EFCAB6: variants seen among roughly 807,000 people sequenced by gnomAD.
EFCAB6 encodes the protein EF-hand calcium-binding domain-containing protein 6.
A neutral mutation model predicts 169.8 loss-of-function variants in EFCAB6; 156 were observed. The ratio of observed to expected loss-of-function variants is 0.92; its 90% CI spans 0.81 to 1.05. The LOEUF (loss-of-function observed/expected upper bound fraction) is 1.05. EFCAB6 is among the 50% of genes least tolerant of loss of function. The pLI, the probability that EFCAB6 is intolerant of heterozygous loss-of-function variation, is 0.00. For synonymous variants in EFCAB6, 698 were observed against 676.4 expected (o/e 1.03, Z -0.50); for missense variants, 1,800 against 1,829.1 (o/e 0.98, Z 0.29).
At position 43,722,792 on chromosome 22, in the gene EFCAB6, T is replaced by A. The variant is rs188866031; in HGVS notation, c.758-5820A>T. Among the ~76,000 whole-genome samples, 9 of 152,192 alleles carry A rather than the reference T, an allele frequency of 5.9e-5. 1 individual carries two copies. In the South Asian group the frequency reaches 1.7e-3, roughly 28 times the overall value. ...AGCACTATTCACCATAGCAAAGACA[T>A]GGAATAAACATAGGTGCCCATCAGT... On this transcript the variant is annotated intron_variant, in intron 8 of 31. Coordinates refer to ENST00000262726, the MANE Select transcript of EFCAB6 (RefSeq NM_022785.4).
intron 10 of EFCAB6, among the ~76,000 whole-genome samples, chr22:43,707,068 G>A (rs1006641844): frequency 6.6e-6 from 1 of 152,192 alleles, no homozygotes; most frequent in African/African-American, 2.4e-5. Context: ...ATCAAGCCCA[G>A]ACAGAGCTGT....
chr22:43,611,858 C>T (rs2053331574), intron 21 of EFCAB6, among the ~76,000 whole-genome samples: 1 of 152,112 alleles, frequency 6.6e-6, no homozygotes, highest in South Asian at 2.1e-4. Context: ...ATAGCCAAGG[C>T]AATCCTAAGC....
At chr22:43,783,804 T>C (rs1320476283) in intron 2 of EFCAB6, among the ~76,000 whole-genome samples, 1 of 152,160 alleles carries the variant, frequency 6.6e-6, no homozygotes, top group Non-Finnish European at 1.5e-5. Flanking sequence ...ATCTCTGTAA[T>C]CCCAGCATTT....
chr22:43,727,815 C>T (rs2059793485), intron 8 of EFCAB6, among the ~76,000 whole-genome samples: 1 of 152,042 alleles, frequency 6.6e-6, no homozygotes. Context: ...GCTCATTTGG[C>T]TTATGGTTCT....
intron 24 of EFCAB6, among the ~76,000 whole-genome samples, chr22:43,582,239 C>G (rs1171547750): frequency 2.0e-5 from 3 of 151,986 alleles, no homozygotes; most frequent in African/African-American, 7.3e-5. Context: ...CATATGAATT[C>G]TTGTTCAGCT....
chr22:43,598,310 G>GAAAAAAAAA (rs1402967848), intron 23 of EFCAB6, among the ~76,000 whole-genome samples: 1 of 57,664 alleles, frequency 1.7e-5, no homozygotes, highest in Non-Finnish European at 3.4e-5. Flanking sequence ...ACTGTCTCCG[G>GAAAAAAAAA]GAAAAAAAAA....
At chr22:43,638,838 T>C (rs1025511386) in intron 17 of EFCAB6, among the ~76,000 whole-genome samples, 3 of 147,412 alleles carry the variant, frequency 2.0e-5, no homozygotes, top group African/African-American at 7.6e-5. Flanking sequence ...CAGGCTGGAG[T>C]GCAATGGTGC....
chr22:43,624,002 A>G (rs2054314104), intron 20 of EFCAB6, among the ~76,000 whole-genome samples: 1 of 152,028 alleles, frequency 6.6e-6, no homozygotes, highest in Non-Finnish European at 1.5e-5. Context: ...CAGGCTGTCC[A>G]GGCAGAGGAG....
Position 43,569,270 on chromosome 22 carries a change from G to A in EFCAB6, c.3420+7027C>T, listed in dbSNP as rs185410657. Among the ~76,000 whole-genome samples the A allele has an allele frequency of 2.0e-5, 3 of 152,366 alleles. No individual in the cohort carries two copies. The East Asian group carries it at 5.8e-4, about 29-fold the overall frequency. ...CAACAAAAGAATAACTCTGTAGCAC[G>A]CTAAGTGAGAGTGAATCTCAGCAGC... On this transcript the variant is annotated intron_variant, in intron 26 of 31. Transcript: ENST00000262726.
chr22:43,625,117 C>T (rs1436523621), intron 20 of EFCAB6, among the ~76,000 whole-genome samples: 5 of 149,334 alleles, frequency 3.3e-5, no homozygotes, highest in Non-Finnish European at 7.4e-5. Flanking sequence ...CAAAATAAAA[C>T]CTATGAATTC....
chr22:43,577,627 G>A (rs2050345168), intron 25 of EFCAB6, among the ~76,000 whole-genome samples: 1 of 152,132 alleles, frequency 6.6e-6, no homozygotes, highest in Non-Finnish European at 1.5e-5. Context: ...GCTGGAAAAT[G>A]CCCCCATCCA....
rs36058832 is a variant in EFCAB6 at position 43,586,340 on chromosome 22, A to AT, written c.3032+3733dup. On this transcript the variant is annotated intron_variant, in intron 24 of 31. Transcript: ENST00000262726. ...ACTGTAAACTCTTGAGCAACAACTGATTTTTTTTTTTTTTTTTTTTTTTTT... is the reference window on the plus strand; with the variant it reads ...ACTGTAAACTCTTGAGCAACAACTGATTTTTTTTTTTTTTTTTTTTTTTTTT... Among the ~76,000 whole-genome samples, 519 of 72,892 alleles carry AT rather than the reference A, an allele frequency of 7.1e-3. 46 individuals are homozygous for AT. The highest frequency in any genetic ancestry group is 0.013 in the East Asian group (32 of 2,526). The allele number at this position is 72,892 out of a possible 152,430, so 47.8% of individuals were successfully genotyped here.
chr22:43,639,405 C>A (rs961282542), intron 17 of EFCAB6, among the ~76,000 whole-genome samples: 36 of 152,160 alleles, frequency 2.4e-4, no homozygotes, highest in Admixed American at 7.2e-4. Flanking sequence ...GTATAAAATT[C>A]TGGGTTGGGA....
intron 27 of EFCAB6, among the ~76,000 whole-genome samples, chr22:43,540,834 T>C (rs1230720364): frequency 6.6e-6 from 1 of 152,134 alleles, no homozygotes; most frequent in African/African-American, 2.4e-5. Context: ...CCACGATTTA[T>C]TTCACCCTAA....
intron 17 of EFCAB6, among the ~76,000 whole-genome samples, chr22:43,654,274 T>C (rs137751): frequency 0.14 from 21,122 of 151,710 alleles, 1,565 homozygotes; most frequent in African/African-American, 0.19. Flanking sequence ...AGCTGGAGCA[T>C]TGTAACTCCC....
intron 26 of EFCAB6, among the ~76,000 whole-genome samples, chr22:43,568,918 G>C (rs1027570629): frequency 6.6e-6 from 1 of 152,320 alleles, no homozygotes; most frequent in Non-Finnish European, 1.5e-5. Flanking sequence ...TTGAAAGGGG[G>C]CTTCTCCAGT....
At chr22:43,638,588 A>C (rs2055587596) in intron 17 of EFCAB6, among the ~76,000 whole-genome samples, 1 of 152,204 alleles carries the variant, frequency 6.6e-6, no homozygotes, top group South Asian at 2.1e-4. Context: ...ACCCCTGCAC[A>C]ACATCCTGTG....
intron 8 of EFCAB6, among the ~76,000 whole-genome samples, chr22:43,729,774 A>C (rs1036187312): frequency 6.6e-6 from 1 of 152,238 alleles, no homozygotes; most frequent in African/African-American, 2.4e-5. Flanking sequence ...ACAACATTAG[A>C]GATCTAGTAA....
At position 43,590,212 on chromosome 22, in the gene EFCAB6, C is replaced by A; in HGVS notation, c.2894G>T (p.Arg965Leu). The A allele has an allele frequency of 6.2e-7, 1 of 1,613,510 alleles. No homozygotes were observed. Among genetic ancestry groups the A allele is most frequent in the Non-Finnish European group, 8.5e-7 (1 of 1,179,794 alleles). ...GAATGCTTTGCTGATATCTTGATGG[C>A]GGTCCATAAGCTTATCCCTGAAAGA... ...AVAARDKLMD[R>L]HQDISKAFTK... Residue 965 changes from arginine (R) to leucine (L), a missense_variant, in exon 24 of 32, where the codon CGC (arginine) becomes CTC (leucine). By Grantham distance (102) the Arg-to-Leu change is moderately radical. Coordinates refer to ENST00000262726, the MANE Select transcript of EFCAB6 (RefSeq NM_022785.4).
Sources: allele counts gnomAD v4.1 joint callset (sites outside exome capture counted in the v4.1 genomes callset), GRCh38; gene constraint gnomAD v4.1.1; transcripts MANE v1.5; gene names NCBI Gene and HGNC (gene_info 2026-07-23, HGNC 2026-07-21).